FKBP4: variants seen among roughly 807,000 people sequenced by gnomAD.
The protein encoded by FKBP4 is peptidyl-prolyl cis-trans isomerase FKBP4.
In FKBP4, 28 loss-of-function variants were observed where a neutral mutation model predicts 54.1. The observed-to-expected ratio is 0.52, with a 90% CI of 0.38 to 0.71. The LOEUF is 0.71. Among genes scored for constraint, FKBP4 ranks in the 30% least tolerant of loss-of-function variants. The pLI, the probability that FKBP4 is intolerant of heterozygous loss-of-function variation, is 0.00. For synonymous variants in FKBP4, 223 were observed against 216.1 expected (o/e 1.03, Z -0.28); for missense variants, 493 against 574.4 (o/e 0.86, Z 1.45).
Position 2,795,062 on chromosome 12 carries a change from C to A in FKBP4, c.-78C>A, listed in dbSNP as rs1411986925. 2.2e-6 allele frequency: 2 copies of A among 893,686 alleles called. No homozygotes were observed. The highest frequency in any genetic ancestry group is 3.6e-5 in the East Asian group (1 of 27,608). 55.4% of individuals were successfully genotyped at this position (893,686 alleles called of 1,614,324 possible). ...CGCGCCCGGCCTCCCGCACGCCCCG[C>A]AGGTAGCGCCCCCGCCCGCGGCCCA... On this transcript the variant is annotated 5_prime_UTR_variant, in exon 1 of 10. Coordinates refer to ENST00000001008, the MANE Select transcript of FKBP4 (RefSeq NM_002014.4). This position sits in a 1 kb window ranked among gnomAD's most constrained non-coding sequence, Gnocchi z 4.3.
chr12:2,800,810 A>G (rs575557422), intron 8 of FKBP4, among the ~76,000 whole-genome samples: 50 of 152,298 alleles, frequency 3.3e-4, no homozygotes, highest in African/African-American at 1.2e-3. Context: ...AGAATCACAT[A>G]AAGAGTTTTC....
Position 2,803,282 on chromosome 12 carries a change from T to C in FKBP4, c.*24T>C. 6.7e-7 allele frequency: 1 copy of C among 1,497,102 alleles called. No individual in the cohort carries two copies. The allele number at this position is 1,497,102 out of a possible 1,614,324, so 92.7% of individuals were successfully genotyped here. On this transcript the variant is annotated 3_prime_UTR_variant, in exon 10 of 10. Transcript: ENST00000001008. Reference sequence around the variant, plus strand: ...AGCCCCTCTCCACCAGCCCTACTCCTGCGGCTGCCTGCCCCCCAGTCTCCC... The same window carrying C: ...AGCCCCTCTCCACCAGCCCTACTCCCGCGGCTGCCTGCCCCCCAGTCTCCC...
At position 2,798,789 on chromosome 12, in the gene FKBP4, A is replaced by G. The variant is rs1363678284; in HGVS notation, c.477A>G (p.Glu159=). 6.2e-7 allele frequency: 1 copy of G among 1,614,196 alleles called. No individual in the cohort carries two copies. Among genetic ancestry groups the G allele is most frequent in the Non-Finnish European group, 8.5e-7 (1 of 1,180,036 alleles). The change falls in exon 4 of 10, where the codon GAA becomes GAG. Residue 159 remains glutamate (E), a synonymous_variant. Transcript: ENST00000001008. This position sits in a 1 kb window ranked among gnomAD's most constrained non-coding sequence, Gnocchi z 4.3. ...TTCGCAGAATACAGACTCGCGGTGA[A>G]GGCTATGCTAAGCCCAATGAGGGTG... ...GIIRRIQTRG[E]GYAKPNEGAI...
rs1245142421 is a variant in FKBP4 at position 2,800,039 on chromosome 12, G to A, written c.763G>A (p.Ala255Thr). The change falls in exon 7 of 10, where the codon GCC becomes ACC. Residue 255 changes from alanine (A) to threonine (T), a missense_variant and splice_region_variant. Transcript: ENST00000001008. ...TTGTTTCTCTCCTGGGGTGTGGCAG[G>A]CCAAGGAGTCTTGGGAGATGAATTC... ...YELHLKSFEK[A>T]KESWEMNSEE... 2 of 1,614,182 alleles carry A rather than the reference G, an allele frequency of 1.2e-6. No individual in the cohort carries two copies. Among genetic ancestry groups the A allele is most frequent in the South Asian group, 2.2e-5 (2 of 91,078 alleles).
chr12:2,803,633 T>C lies in FKBP4; in HGVS notation c.*375T>C. On this transcript the variant is annotated 3_prime_UTR_variant, in exon 10 of 10. Coordinates refer to ENST00000001008, the MANE Select transcript of FKBP4 (RefSeq NM_002014.4). Reference sequence around the variant, plus strand: ...AGAGGGAGACTCCTGGGCAGCCGTTTTCCTCATCCTTTCCCTCTCCCAGTC... The same window carrying C: ...AGAGGGAGACTCCTGGGCAGCCGTTCTCCTCATCCTTTCCCTCTCCCAGTC... 1 of 179,558 alleles carries C rather than the reference T, an allele frequency of 5.6e-6. No homozygotes were observed. The highest frequency in any genetic ancestry group is 1.2e-5 in the Non-Finnish European group (1 of 83,036). 11.1% of individuals were successfully genotyped at this position (179,558 alleles called of 1,614,324 possible). A position where few individuals can be genotyped will look rare whatever the true frequency, so the allele number is the denominator to read the frequency against.
chr12:2,801,622 C>T (rs891020328), intron 9 of FKBP4: 3 of 551,162 alleles, frequency 5.4e-6, no homozygotes, highest in Non-Finnish European at 1.0e-5. Flanking sequence ...GGCGCCGTGG[C>T]TCACACCTGC....
rs568564721 is a variant in FKBP4, at chr12:2,805,029, C to T, written c.*1771C>T. ...GTATTTCAAAAGTAGTAGATTCTTA[C>T]GCCTGCAGCCAACAATAATCACTAA... On this transcript the variant is annotated 3_prime_UTR_variant, in exon 10 of 10. Coordinates refer to ENST00000001008, the MANE Select transcript of FKBP4 (RefSeq NM_002014.4). The T allele has an allele frequency of 2.5e-5, 8 of 317,340 alleles. No homozygotes were observed. The highest frequency in any genetic ancestry group is 3.7e-5 in the Non-Finnish European group (6 of 161,044). 19.7% of individuals were successfully genotyped at this position (317,340 alleles called of 1,614,324 possible).
chr12:2,799,280 G>A (rs377386480), intron 5 of FKBP4, 36 bp downstream of exon 5: 2 of 1,462,510 alleles, frequency 1.4e-6, no homozygotes, highest in African/African-American at 1.4e-5. Flanking sequence ...AGGCAGGCAG[G>A]CAAACCAAGA....
At chr12:2,801,588 C>T (rs1432681556) in intron 9 of FKBP4, 3 of 635,378 alleles carry the variant, frequency 4.7e-6, no homozygotes, top group Middle Eastern at 2.6e-4. Context: ...GTGTAATTCC[C>T]GATTTATGTT....
chr12:2,797,864 T>G lies in FKBP4; in HGVS notation c.386T>G (p.Val129Gly). The G allele has an allele frequency of 6.2e-7, 1 of 1,613,196 alleles. No homozygotes were observed. Among genetic ancestry groups the G allele is most frequent in the South Asian group, 1.1e-5 (1 of 90,968 alleles). ...PPKIPPNATL[V>G]FEVELFEFKG... ...AAGATTCCCCCCAATGCCACGCTTG[T>G]ATTTGAGGTGAGTGTTTGGTCACTG... is the stretch of plus-strand genomic sequence containing the variant. Residue 129 changes from valine (V) to glycine (G), a missense_variant, in exon 3 of 10, where the codon GTA becomes GGA. By Grantham distance (109) the Val-to-Gly change is moderately radical. Transcript: ENST00000001008.
At chr12:2,797,419 T>C in intron 2 of FKBP4, 137 bp downstream of exon 2, 1 of 1,077,008 alleles carries the variant, frequency 9.3e-7, no homozygotes, top group East Asian at 2.4e-5. Context: ...CACTCTTTTT[T>C]TTTTTTTTCT....
chr12:2,800,759 T>G (rs573131910), intron 8 of FKBP4, among the ~76,000 whole-genome samples, 182 bp downstream of exon 8: 2 of 152,192 alleles, frequency 1.3e-5, no homozygotes, highest in Non-Finnish European at 2.9e-5. Flanking sequence ...TTAGCTTTGG[T>G]GGGAAGCAGT....
intron 5 of FKBP4, 33 bp downstream of exon 5, chr12:2,799,277 C>G (rs763149930): frequency 3.4e-6 from 5 of 1,462,612 alleles, no homozygotes; most frequent in Non-Finnish European, 4.5e-6. Flanking sequence ...GGTAGGCAGG[C>G]AGGCAAACCA....
rs1396074759 is a variant in FKBP4, at chr12:2,795,893, G to C, written c.105+649G>C. 1.0e-6 allele frequency: 1 copy of C among 958,890 alleles called. No homozygotes were observed. The highest frequency in any genetic ancestry group is 1.8e-5 in the African/African-American group (1 of 56,616). The allele number at this position is 958,890 out of a possible 1,614,324, so 59.4% of individuals were successfully genotyped here. A position where few individuals can be genotyped will look rare whatever the true frequency, so the allele number is the denominator to read the frequency against. ...CGGCGCCCCCTCCCTCGGCCCCGGG[G>C]AGGCCGGGCGCGGGGCATGCCGGGA... On this transcript the variant is annotated intron_variant, in intron 1 of 9. Transcript: ENST00000001008. This position sits in a 1 kb window ranked among gnomAD's most constrained non-coding sequence, Gnocchi z 4.3.
rs1449218296 is a variant in FKBP4, at chr12:2,795,060, C to T, written c.-80C>T. 11 of 884,120 alleles carry T rather than the reference C, an allele frequency of 1.2e-5. No individual in the cohort carries two copies. The South Asian group carries it at 3.3e-4, about 26-fold the overall frequency. The allele number at this position is 884,120 out of a possible 1,614,324, so 54.8% of individuals were successfully genotyped here. A position where few individuals can be genotyped will look rare whatever the true frequency, so the allele number is the denominator to read the frequency against. ...GCCGCGCCCGGCCTCCCGCACGCCC[C>T]GCAGGTAGCGCCCCCGCCCGCGGCC... On this transcript the variant is annotated 5_prime_UTR_variant, in exon 1 of 10. Transcript: ENST00000001008. This position sits in a 1 kb window ranked among gnomAD's most constrained non-coding sequence, Gnocchi z 4.3.
Position 2,803,599 on chromosome 12 carries a change from C to A in FKBP4, c.*341C>A. 4.9e-6 allele frequency: 1 copy of A among 205,976 alleles called. No individual in the cohort carries two copies. The highest frequency in any genetic ancestry group is 1.1e-4 in the South Asian group (1 of 9,480). 12.8% of individuals were successfully genotyped at this position (205,976 alleles called of 1,614,324 possible). ...GGTAGGGATGAGGTCTGATAAGAAC[C>A]CAGGGTGGAGAGGGAGACTCCTGGG... On this transcript the variant is annotated 3_prime_UTR_variant, in exon 10 of 10. Coordinates refer to ENST00000001008, the MANE Select transcript of FKBP4 (RefSeq NM_002014.4).
rs1193864213 is a variant in FKBP4 at position 2,800,056 on chromosome 12, G to A, written c.780G>A (p.Glu260=). 2 of 1,614,084 alleles carry A rather than the reference G, an allele frequency of 1.2e-6. No individual in the cohort carries two copies. Among genetic ancestry groups the A allele is most frequent in the African/African-American group, 2.7e-5 (2 of 74,938 alleles). ...KSFEKAKESW[E]MNSEEKLEQS... ...TGTGGCAGGCCAAGGAGTCTTGGGA[G>A]ATGAATTCAGAAGAGAAGCTGGAAC... Residue 260 remains glutamate, a synonymous_variant, in exon 7 of 10, where the codon GAG becomes GAA. Coordinates refer to ENST00000001008, the MANE Select transcript of FKBP4 (RefSeq NM_002014.4).
intron 8 of FKBP4, 134 bp from the exon 9 acceptor site, chr12:2,800,983 G>T: frequency 8.3e-7 from 1 of 1,200,336 alleles, no homozygotes. Context: ...CTCAGGCCTT[G>T]TTCTTCCTGG....
intron 1 of FKBP4, chr12:2,796,786 C>T: frequency 1.9e-6 from 2 of 1,079,908 alleles, no homozygotes; most frequent in Non-Finnish European, 2.3e-6. Flanking sequence ...ATTATTCAAC[C>T]TTTTACTGGT....
Sources: allele counts gnomAD v4.1 joint callset (sites outside exome capture counted in the v4.1 genomes callset), GRCh38; gene constraint gnomAD v4.1.1; non-coding constraint Gnocchi (gnomAD v3.1); transcripts MANE v1.5; gene names NCBI Gene and HGNC (gene_info 2026-07-23, HGNC 2026-07-21).